Variants in SIPA1L3 observed in about 807,000 individuals in gnomAD.
SIPA1L3 encodes signal induced proliferation associated 1 like 3, also known as signal-induced proliferation-associated 1-like protein 3.
Under a neutral mutation model 150.1 loss-of-function variants are expected in SIPA1L3, and 59 were observed. The ratio of observed to expected loss-of-function variants is 0.39; its 90% CI spans 0.32 to 0.49. The LOEUF is 0.49. Among genes scored for constraint, SIPA1L3 ranks in the 20% least tolerant of loss-of-function variants. The pLI is 0.86. For missense variants in SIPA1L3, 2,211 were observed against 2,489.5 expected, an observed-to-expected ratio of 0.89 and a Z score of 2.38; for synonymous variants, 1,070 against 1,077.6, an observed-to-expected ratio of 0.99 and a Z score of 0.14.
intron 10 of SIPA1L3, among the ~76,000 whole-genome samples, chr19:38,139,870 G>A (rs1424726804): frequency 1.3e-5 from 2 of 152,130 alleles, no homozygotes; most frequent in African/African-American, 2.4e-5. Flanking sequence ...GGAACGCCAC[G>A]TCCAAATACA....
intron 1 of SIPA1L3, among the ~76,000 whole-genome samples, chr19:37,908,343 A>G (rs2046352411): frequency 6.6e-6 from 1 of 152,218 alleles, no homozygotes; most frequent in Non-Finnish European, 1.5e-5. Flanking sequence ...GTCCAGCGCC[A>G]TCTCTCACTA....
intron 9 of SIPA1L3, 42 bp from the exon 10 acceptor site, chr19:38,130,456 C>A (rs1231532466): frequency 6.3e-7 from 1 of 1,578,778 alleles, no homozygotes; most frequent in South Asian, 1.2e-5. Context: ...GAGGAGCTGA[C>A]CCAAGCAGCT....
chr19:38,173,167 AG>A (rs1972363956), intron 15 of SIPA1L3, among the ~76,000 whole-genome samples: 1 of 152,266 alleles, frequency 6.6e-6, no homozygotes, highest in Non-Finnish European at 1.5e-5. Flanking sequence ...TACTCTGGAG[AG>A]GACGGACTAT....
intron 1 of SIPA1L3, among the ~76,000 whole-genome samples, chr19:38,008,469 TCCAC>T (rs1968016267): frequency 6.6e-6 from 1 of 152,018 alleles, no homozygotes; most frequent in Non-Finnish European, 1.5e-5. Flanking sequence ...CCTCAGGTGA[TCCAC>T]CCACCTCAGC....
rs1970443470 is a variant in SIPA1L3, at chr19:38,099,188, A to G, written c.1666-774A>G. ...GTAGCTGGGATTACAGGTGCATGCC[A>G]CCATGCCTGGCTAATTTTTATATTT... On this transcript the variant is annotated intron_variant, in intron 4 of 21. Coordinates refer to ENST00000222345, the MANE Select transcript of SIPA1L3 (RefSeq NM_015073.3). 1.3e-5 allele frequency among the ~76,000 whole-genome samples: 2 copies of G among 152,020 alleles called. 1 individual carries two copies. The highest frequency in any genetic ancestry group is 4.2e-4 in the South Asian group (2 of 4,818).
rs1004112426 is a variant in SIPA1L3 at position 38,206,523 on chromosome 19, C to G, written c.*283C>G. 6.1e-6 allele frequency: 2 copies of G among 330,304 alleles called. No individual in the cohort carries two copies. The highest frequency in any genetic ancestry group is 4.3e-5 in the African/African-American group (2 of 46,722). 20.5% of individuals were successfully genotyped at this position (330,304 alleles called of 1,614,324 possible). On this transcript the variant is annotated 3_prime_UTR_variant, in exon 22 of 22. Coordinates refer to ENST00000222345, the MANE Select transcript of SIPA1L3 (RefSeq NM_015073.3). ...GCTTACACCGCTCCCGGGCCTGCCCCGCTGTCCCCATCTAGCCTCTTCCTG... is the reference window on the plus strand; with the variant it reads ...GCTTACACCGCTCCCGGGCCTGCCCGGCTGTCCCCATCTAGCCTCTTCCTG...
chr19:37,944,526 G>C (rs2145535441), intron 1 of SIPA1L3, among the ~76,000 whole-genome samples: 1 of 152,288 alleles, frequency 6.6e-6, no homozygotes, highest in South Asian at 2.1e-4. Context: ...TGATGGTGAT[G>C]ATCCCAACCT....
At position 38,201,949 on chromosome 19, in the gene SIPA1L3, T is replaced by C; in HGVS notation, c.5072T>C (p.Leu1691Pro). 6.2e-7 allele frequency: 1 copy of C among 1,613,824 alleles called. No homozygotes were observed. The highest frequency in any genetic ancestry group is 8.5e-7 in the Non-Finnish European group (1 of 1,179,886). Residue 1691 changes from leucine to proline, a missense_variant, in exon 20 of 22, where the codon CTG becomes CCG. Physicochemically the swap from Leu to Pro is moderately conservative, Grantham distance 98. Around this residue, in one of 5 missense-constraint regions of SIPA1L3, gnomAD observed 806 missense variants for 870.1 expected, o/e 0.93. Transcript: ENST00000222345. Reference sequence around the variant, plus strand: ...GCACACAGTCCTGTCCACAGCCACCTGAGCCTGGAGAGGGGACCCCCGACC... The same window carrying C: ...GCACACAGTCCTGTCCACAGCCACCCGAGCCTGGAGAGGGGACCCCCGACC... ...PPAHSPVHSH[L>P]SLERGPPTPR...
intron 2 of SIPA1L3, among the ~76,000 whole-genome samples, chr19:38,058,380 A>C (rs1969371697): frequency 6.6e-6 from 1 of 151,638 alleles, no homozygotes; most frequent in Non-Finnish European, 1.5e-5. Context: ...CCCCATTCCC[A>C]CACACCTCTC....
At chr19:37,910,602 T>C (rs1473744131) in intron 1 of SIPA1L3, among the ~76,000 whole-genome samples, 1 of 151,958 alleles carries the variant, frequency 6.6e-6, no homozygotes, top group Admixed American at 6.6e-5. Flanking sequence ...AAGACTGATA[T>C]TGCTTCCTTT....
chr19:38,128,276 G>T (rs1203152406), intron 9 of SIPA1L3, among the ~76,000 whole-genome samples: 1 of 151,974 alleles, frequency 6.6e-6, no homozygotes, highest in Non-Finnish European at 1.5e-5. Flanking sequence ...AATAGGATGG[G>T]AAAGAATAAA....
chr19:38,018,167 T>TC (rs1968282910), intron 1 of SIPA1L3, among the ~76,000 whole-genome samples: 5 of 142,598 alleles, frequency 3.5e-5, no homozygotes, highest in Admixed American at 2.8e-4. Flanking sequence ...TTTTTTTTTT[T>TC]TTTTTTTTTT....
chr19:38,083,966 C>T (rs981808283), intron 3 of SIPA1L3, among the ~76,000 whole-genome samples: 2 of 147,148 alleles, frequency 1.4e-5, no homozygotes, highest in Non-Finnish European at 3.0e-5. Context: ...GCACTCCAGC[C>T]TGGGTGACAG....
intron 4 of SIPA1L3, among the ~76,000 whole-genome samples, chr19:38,094,486 G>C (rs1161221954): frequency 6.6e-6 from 1 of 152,130 alleles, no homozygotes; most frequent in Non-Finnish European, 1.5e-5. Context: ...CCTGAGCTCA[G>C]GTGACCCTCC....
chr19:38,072,646 G>A (rs1568532990), intron 2 of SIPA1L3, among the ~76,000 whole-genome samples: 1 of 152,242 alleles, frequency 6.6e-6, no homozygotes, highest in Non-Finnish European at 1.5e-5. Context: ...CACTGGTTCT[G>A]ATCAGGCCAC....
chr19:38,060,056 T>C (rs1969413995), intron 2 of SIPA1L3, among the ~76,000 whole-genome samples: 1 of 152,214 alleles, frequency 6.6e-6, no homozygotes, highest in African/African-American at 2.4e-5. Context: ...ATTACAGGCA[T>C]GAGCCACCGC....
At chr19:38,043,383 A>G (rs1460798917) in intron 2 of SIPA1L3, among the ~76,000 whole-genome samples, 1 of 152,158 alleles carries the variant, frequency 6.6e-6, no homozygotes, top group Non-Finnish European at 1.5e-5. Flanking sequence ...AAAGAAAGAA[A>G]TAGAGAAAAA....
rs61729136 is a variant in SIPA1L3, at chr19:38,082,242, G to A, written c.677G>A (p.Arg226His). 13 of 1,601,092 alleles carry A rather than the reference G, an allele frequency of 8.1e-6. No homozygotes were observed. The highest frequency in any genetic ancestry group is 1.1e-5 in the Non-Finnish European group (13 of 1,179,758). Residue 226 changes from arginine (R) to histidine (H), a missense_variant, in exon 3 of 22, where the codon CGC (arginine) becomes CAC (histidine). Around this residue, in one of 5 missense-constraint regions of SIPA1L3, gnomAD observed 587 missense variants for 534.5 expected, o/e 1.10. Coordinates refer to ENST00000222345, the MANE Select transcript of SIPA1L3 (RefSeq NM_015073.3). ...TTCTTCGACATCCTGAACGAGTTCC[G>A]CAGCGAGCAGCCCGACGCCCGAGGG... The part of the protein sequence containing the change: ...QSFFDILNEF[R>H]SEQPDARGCQ...
Position 38,188,725 on chromosome 19 carries a change from A to G in SIPA1L3, c.4431-3420A>G, listed in dbSNP as rs994904950. 4.6e-5 allele frequency among the ~76,000 whole-genome samples: 7 copies of G among 151,762 alleles called. No homozygotes were observed. The East Asian group carries it at 7.9e-4, about 17-fold the overall frequency. On this transcript the variant is annotated intron_variant, in intron 16 of 21. Coordinates refer to ENST00000222345, the MANE Select transcript of SIPA1L3 (RefSeq NM_015073.3). ...ATCACGAGGTCAGGAGATCGAGACCATCCTGGCTAACATGGTGAAACCCCG... is the reference window on the plus strand; with the variant it reads ...ATCACGAGGTCAGGAGATCGAGACCGTCCTGGCTAACATGGTGAAACCCCG...
Sources: gnomAD v4.1 joint callset for allele counts (sites outside exome capture counted in the v4.1 genomes callset) on GRCh38, gnomAD v4.1.1 for gene constraint, gnomAD v4.1.1 regional missense constraint, MANE v1.5 for transcripts, NCBI Gene and HGNC (gene_info 2026-07-23, HGNC 2026-07-21) for gene names.